Variants in MACROD2 observed in about 807,000 individuals in gnomAD.
MACROD2 encodes the protein ADP-ribose glycohydrolase MACROD2.
MACROD2 carries 36 observed loss-of-function variants against 70.4 expected under a neutral mutation model. The observed-to-expected ratio is 0.51, with a 90% CI of 0.39 to 0.68. The LOEUF is 0.68. MACROD2 is among the 30% of genes least tolerant of loss of function. The probability of loss-of-function intolerance (pLI) is 0.00; values close to 1 mark genes in which losing one functional copy is unlikely to be tolerated. For synonymous variants in MACROD2, 172 were observed against 178.8 expected (o/e 0.96, Z 0.30); for missense variants, 496 against 538.4 (o/e 0.92, Z 0.78).
intron 3 of MACROD2, among the ~76,000 whole-genome samples, chr20:14,298,633 G>C (rs2082448270): frequency 6.6e-6 from 1 of 151,378 alleles, no homozygotes; most frequent in Non-Finnish European, 1.5e-5. Context: ...TGTTTCCTCT[G>C]ATGGATCTGA....
At chr20:15,186,871 A>G (rs1228873252) in intron 5 of MACROD2, among the ~76,000 whole-genome samples, 1 of 152,220 alleles carries the variant, frequency 6.6e-6, no homozygotes, top group East Asian at 1.9e-4. Context: ...AAAGTATGCT[A>G]GCTATTAAAA....
At position 15,642,597 on chromosome 20, in the gene MACROD2, A is replaced by AACAC. The variant is rs56698663; in HGVS notation, c.645+142791_645+142794dup. Among the ~76,000 whole-genome samples the AACAC allele has an allele frequency of 5.4e-5, 8 of 147,106 alleles. No homozygotes were observed. In the East Asian group the frequency reaches 6.1e-4, roughly 11 times the overall value. The stretch of plus-strand genomic sequence containing the variant: ...AGTAGGGAACTGTGTACCTGTCATG[A>AACAC]ACACACACACACACACACACACACA... On this transcript the variant is annotated intron_variant, in intron 8 of 17. Transcript: ENST00000684519.
intron 5 of MACROD2, among the ~76,000 whole-genome samples, chr20:15,012,850 C>T (rs1433750167): frequency 6.6e-6 from 1 of 152,146 alleles, no homozygotes; most frequent in African/African-American, 2.4e-5. Flanking sequence ...TTGAATGCAG[C>T]TCCTGGGTGG....
rs535212613 is a variant in MACROD2 at position 14,697,996 on chromosome 20, T to C, written c.418+13037T>C. Among the ~76,000 whole-genome samples, 4 of 152,308 alleles carry C rather than the reference T, an allele frequency of 2.6e-5. No individual in the cohort carries two copies. The East Asian group carries it at 7.7e-4, about 29-fold the overall frequency. On this transcript the variant is annotated intron_variant, in intron 5 of 17. Coordinates refer to ENST00000684519, the MANE Select transcript of MACROD2 (RefSeq NM_001351661.2). ...GTTCATTCAGGCAGCAATCACTGATTTGCTCCCTAATATGTGCCAGGTGCT... is the reference window on the plus strand; with the variant it reads ...GTTCATTCAGGCAGCAATCACTGATCTGCTCCCTAATATGTGCCAGGTGCT...
At position 14,196,189 on chromosome 20, in the gene MACROD2, C is replaced by T. The variant is rs2081430865; in HGVS notation, c.271+110461C>T. Among the ~76,000 whole-genome samples the T allele has an allele frequency of 2.0e-5, 3 of 152,156 alleles. No homozygotes were observed. The South Asian group carries it at 6.2e-4, about 32-fold the overall frequency. On this transcript the variant is annotated intron_variant, in intron 3 of 17. Coordinates refer to ENST00000684519, the MANE Select transcript of MACROD2 (RefSeq NM_001351661.2). Reference sequence around the variant, plus strand: ...CAAGGGAGTTTTTCCTGTTTCACCTCCTCCCCTCTCTCCAGGCCAAGTCTT... The same window carrying T: ...CAAGGGAGTTTTTCCTGTTTCACCTTCTCCCCTCTCTCCAGGCCAAGTCTT...
At chr20:15,923,164 TC>T (rs1209618200) in intron 10 of MACROD2, among the ~76,000 whole-genome samples, 1 of 152,180 alleles carries the variant, frequency 6.6e-6, no homozygotes, top group Non-Finnish European at 1.5e-5. Flanking sequence ...ATTGTATTAG[TC>T]TGTTTTCACG....
At chr20:15,502,178 A>G (rs558539396) in intron 8 of MACROD2, among the ~76,000 whole-genome samples, 2 of 152,348 alleles carry the variant, frequency 1.3e-5, no homozygotes, top group South Asian at 4.1e-4. Context: ...AAAACAGGGC[A>G]ATTGGAGAAT....
chr20:14,116,991 C>T lies in MACROD2; in HGVS notation c.271+31263C>T, dbSNP rs185079684. On this transcript the variant is annotated intron_variant, in intron 3 of 17. Transcript: ENST00000684519. ...CTGAGGCAGGAGAATCGCTTGAACC[C>T]GGGAGGCAGAGGTTGCAGTGAGCCG... Among the ~76,000 whole-genome samples the T allele has an allele frequency of 8.7e-4, 132 of 151,200 alleles. 1 individual carries two copies. The highest frequency in any genetic ancestry group is 2.8e-3 in the African/African-American group (117 of 41,132).
chr20:15,346,733 C>A (rs2078170377), intron 6 of MACROD2, among the ~76,000 whole-genome samples: 1 of 152,178 alleles, frequency 6.6e-6, no homozygotes, highest in African/African-American at 2.4e-5. Context: ...TAAATCCTAT[C>A]AAGGTAGCTT....
chr20:14,836,221 T>C (rs2073028648), intron 5 of MACROD2, among the ~76,000 whole-genome samples: 1 of 152,078 alleles, frequency 6.6e-6, no homozygotes. Context: ...CAGAGGAGGC[T>C]TTCAGTTTGC....
intron 5 of MACROD2, among the ~76,000 whole-genome samples, chr20:15,211,072 A>T (rs959187424): frequency 2.0e-5 from 3 of 152,194 alleles, no homozygotes; most frequent in Non-Finnish European, 4.4e-5. Context: ...CTTAAAAAAG[A>T]TTCTATACCC....
At chr20:15,841,285 CA>C (rs940554111) in intron 8 of MACROD2, among the ~76,000 whole-genome samples, 2 of 152,172 alleles carry the variant, frequency 1.3e-5, no homozygotes, top group African/African-American at 4.8e-5. Flanking sequence ...AGCATCTAAT[CA>C]TGATGTTGGG....
intron 3 of MACROD2, among the ~76,000 whole-genome samples, chr20:14,465,730 T>A (rs1381722422): frequency 1.3e-5 from 2 of 152,106 alleles, no homozygotes; most frequent in African/African-American, 4.8e-5. Flanking sequence ...GCAGGCCTAG[T>A]GGTGACAAAA....
chr20:15,147,077 A>T (rs2076235427), intron 5 of MACROD2, among the ~76,000 whole-genome samples: 1 of 152,140 alleles, frequency 6.6e-6, no homozygotes, highest in African/African-American at 2.4e-5. Context: ...ATGCCCTTGA[A>T]ATTGGAGTAT....
chr20:14,343,858 T>G (rs1452444175), intron 3 of MACROD2, among the ~76,000 whole-genome samples: 1 of 152,194 alleles, frequency 6.6e-6, no homozygotes, highest in East Asian at 1.9e-4. Context: ...CTGAAGCACG[T>G]GATTTTCTCT....
chr20:14,945,534 C>G lies in MACROD2; in HGVS notation c.418+260575C>G, dbSNP rs575183891. 2.6e-5 allele frequency among the ~76,000 whole-genome samples: 4 copies of G among 152,278 alleles called. No individual in the cohort carries two copies. The East Asian group carries it at 7.7e-4, about 29-fold the overall frequency. On this transcript the variant is annotated intron_variant, in intron 5 of 17. Transcript: ENST00000684519. Reference sequence around the variant, plus strand: ...ACTTCATTGTATCATCTTCTTGGACCTTGCAGCCTTTACATTTGGGTACCT... The same window carrying G: ...ACTTCATTGTATCATCTTCTTGGACGTTGCAGCCTTTACATTTGGGTACCT...
intron 7 of MACROD2, among the ~76,000 whole-genome samples, chr20:15,454,431 A>C (rs2046691025): frequency 6.6e-6 from 1 of 150,842 alleles, no homozygotes; most frequent in Non-Finnish European, 1.5e-5. Flanking sequence ...ACACACACAC[A>C]CACACACACA....
At chr20:15,014,675 G>A (rs1481130045) in intron 5 of MACROD2, among the ~76,000 whole-genome samples, 2 of 152,108 alleles carry the variant, frequency 1.3e-5, no homozygotes, top group Admixed American at 6.5e-5. Flanking sequence ...AATTGTGTGT[G>A]AGTGTATGTG....
In MACROD2 at chr20:15,690,686, T is replaced by C. The variant is rs144334476; in HGVS notation, c.646-172059T>C. Among the ~76,000 whole-genome samples the C allele has an allele frequency of 2.2e-3, 331 of 152,286 alleles. 3 individuals carry two copies. Among genetic ancestry groups the C allele is most frequent in the African/African-American group, 7.3e-3 (302 of 41,568 alleles). ...GAACCCACCCCTTTCCCTAGTATAA[T>C]GTCTCCCTGAATAAGTGGAATGTTC... On this transcript the variant is annotated intron_variant, in intron 8 of 17. Transcript: ENST00000684519.
Sources: allele counts gnomAD v4.1 joint callset (sites outside exome capture counted in the v4.1 genomes callset), GRCh38; gene constraint gnomAD v4.1.1; transcripts MANE v1.5; gene names NCBI Gene and HGNC (gene_info 2026-07-23, HGNC 2026-07-21).